Variants in KCNH8 observed in about 807,000 individuals in gnomAD.
KCNH8 encodes the protein potassium voltage-gated channel subfamily H member 8, also known as voltage-gated delayed rectifier potassium channel KCNH8.
KCNH8 carries 70 observed loss-of-function variants against 103.6 expected under a neutral mutation model. The observed-to-expected ratio is 0.68, with a 90% CI of 0.56 to 0.82. The LOEUF is 0.82. Among genes scored for constraint, KCNH8 ranks in the 40% least tolerant of loss-of-function variants. The pLI is 0.00. For missense variants in KCNH8, 1,217 were observed against 1,329.9 expected (o/e 0.92, Z 1.32); for synonymous variants, 498 against 489.4 (o/e 1.02, Z -0.23).
intron 6 of KCNH8, among the ~76,000 whole-genome samples, chr3:19,393,678 C>T (rs1011627571): frequency 2.0e-5 from 3 of 151,982 alleles, no homozygotes; most frequent in Non-Finnish European, 2.9e-5. Context: ...TAGCTAACCA[C>T]CAGCTTGAGA....
chr3:19,246,536 A>G (rs2064209309), intron 1 of KCNH8, among the ~76,000 whole-genome samples: 1 of 152,076 alleles, frequency 6.6e-6, no homozygotes, highest in Admixed American at 6.5e-5. Flanking sequence ...CGGCCTCCCA[A>G]AGTGCTGGGA....
chr3:19,213,225 A>G (rs949990072), intron 1 of KCNH8, among the ~76,000 whole-genome samples: 12 of 152,218 alleles, frequency 7.9e-5, no homozygotes, highest in African/African-American at 1.7e-4. Context: ...TATTTCCTCT[A>G]TGAAACCTAA....
rs1463693312 is a variant in KCNH8, at chr3:19,456,874, C to T, written c.1932C>T (p.Leu644=). The T allele has an allele frequency of 1.2e-6, 2 of 1,612,472 alleles. No individual in the cohort carries two copies. The highest frequency in any genetic ancestry group is 1.7e-6 in the Non-Finnish European group (2 of 1,178,862). Residue 644 remains leucine, a synonymous_variant, in exon 11 of 16, where the codon CTC becomes CTT. Transcript: ENST00000328405. ...LTYCDLQCII[L]KGLFEVLDLY... is the part of the protein sequence containing the mutation. ...ACTGTGATCTCCAGTGTATCATCCT[C>T]AAAGGACTCTTTGAAGTGCTAGACC...
rs370626544 is a variant in KCNH8 at position 19,533,552 on chromosome 3, C to T, written c.2777C>T (p.Thr926Met). Residue 926 changes from threonine to methionine, a missense_variant, in exon 16 of 16, where the codon ACG (threonine) becomes ATG (methionine). This residue lies in a region of KCNH8 where 558 missense variants were observed against 495.8 expected (regional missense o/e 1.13). Transcript: ENST00000328405. ...CPSRESLQTR[T>M]SWSAHQPCLH... ...TCCAGGGAGAGCTTACAGACCAGAACGAGCTGGAGTGCACACCAGCCTTGC... is the reference window on the plus strand; with the variant it reads ...TCCAGGGAGAGCTTACAGACCAGAATGAGCTGGAGTGCACACCAGCCTTGC... 1.1e-5 allele frequency: 17 copies of T among 1,614,064 alleles called. No individual in the cohort carries two copies. Among genetic ancestry groups the T allele is most frequent in the Admixed American group, 5.0e-5 (3 of 60,006 alleles).
chr3:19,460,909 T>G (rs1263564826), intron 11 of KCNH8, among the ~76,000 whole-genome samples: 2 of 152,266 alleles, frequency 1.3e-5, no homozygotes, highest in East Asian at 3.9e-4. Flanking sequence ...CCTGCTGCCA[T>G]GTAAAGAAGG....
chr3:19,360,700 A>G (rs576543100), intron 5 of KCNH8, among the ~76,000 whole-genome samples: 51 of 152,220 alleles, frequency 3.4e-4, no homozygotes, highest in Admixed American at 9.2e-4. Context: ...ACAATTTTAT[A>G]TATCTCTGAT....
intron 15 of KCNH8, among the ~76,000 whole-genome samples, chr3:19,528,476 T>C (rs2069104231): frequency 6.6e-6 from 1 of 152,046 alleles, no homozygotes; most frequent in Admixed American, 6.6e-5. Flanking sequence ...TTTCTACAAT[T>C]ATGAAGGAAA....
At chr3:19,183,023 TAGC>T (rs762034325) in intron 1 of KCNH8, among the ~76,000 whole-genome samples, 257 of 152,246 alleles carry the variant, frequency 1.7e-3, no homozygotes, top group Non-Finnish European at 2.4e-3. Context: ...CATAGCAAAA[TAGC>T]AGTACAAGTT....
intron 1 of KCNH8, among the ~76,000 whole-genome samples, chr3:19,249,730 A>C (rs915941161): frequency 6.6e-6 from 1 of 152,180 alleles, no homozygotes; most frequent in South Asian, 2.1e-4. Context: ...AATAGGCACT[A>C]TGTTGCTTGA....
chr3:19,226,895 A>C (rs1293299230), intron 1 of KCNH8, among the ~76,000 whole-genome samples: 1 of 152,156 alleles, frequency 6.6e-6, no homozygotes, highest in Non-Finnish European at 1.5e-5. Context: ...ATTTGTATAC[A>C]ATTCTGCAGA....
At chr3:19,169,836 A>G (rs2063323873) in intron 1 of KCNH8, among the ~76,000 whole-genome samples, 1 of 152,244 alleles carries the variant, frequency 6.6e-6, no homozygotes, top group Non-Finnish European at 1.5e-5. Flanking sequence ...AAGGATCCAT[A>G]CATATTCTTC....
chr3:19,364,351 C>T (rs755411162), intron 5 of KCNH8, among the ~76,000 whole-genome samples: 13 of 152,062 alleles, frequency 8.5e-5, no homozygotes, highest in Admixed American at 2.0e-4. Context: ...TGACTCAATA[C>T]GGCATTCATG....
intron 1 of KCNH8, among the ~76,000 whole-genome samples, chr3:19,185,562 C>T (rs2125205619): frequency 6.6e-6 from 1 of 151,970 alleles, no homozygotes; most frequent in East Asian, 1.9e-4. Flanking sequence ...TAAGAAATAA[C>T]ATAATTTTAA....
chr3:19,255,260 A>G (rs2064332149), intron 2 of KCNH8, among the ~76,000 whole-genome samples: 1 of 152,072 alleles, frequency 6.6e-6, no homozygotes. Flanking sequence ...GATAAAATAA[A>G]TTTCTATCGT....
intron 1 of KCNH8, among the ~76,000 whole-genome samples, chr3:19,236,465 A>C (rs909539200): frequency 6.6e-6 from 1 of 152,210 alleles, no homozygotes; most frequent in Non-Finnish European, 1.5e-5. Flanking sequence ...GGAGGGAAGT[A>C]AGAAGGAAAA....
intron 5 of KCNH8, among the ~76,000 whole-genome samples, chr3:19,383,486 C>G (rs1040812780): frequency 6.6e-6 from 1 of 152,074 alleles, no homozygotes; most frequent in Non-Finnish European, 1.5e-5. Flanking sequence ...ATTCTTCTGC[C>G]TCAGCCTCCC....
At chr3:19,245,034 G>A (rs1392431589) in intron 1 of KCNH8, among the ~76,000 whole-genome samples, 4 of 151,974 alleles carry the variant, frequency 2.6e-5, no homozygotes, top group Admixed American at 6.6e-5. Flanking sequence ...TCTTTGCCAA[G>A]GCCAATATTG....
In KCNH8 at chr3:19,522,376, GCTGA is replaced by G. The variant is rs2068987031; in HGVS notation, c.2619+4305_2619+4308del. On this transcript the variant is annotated intron_variant, in intron 15 of 15. Coordinates refer to ENST00000328405, the MANE Select transcript of KCNH8 (RefSeq NM_144633.3). ...CCAAAAGGCTTGGGACTCAAAAAGA[GCTGA>G]CTTTTTTTTTTTCAGTTCAAGTCCA... Among the ~76,000 whole-genome samples, 8 of 151,714 alleles carry G rather than the reference GCTGA, an allele frequency of 5.3e-5. No individual in the cohort carries two copies. The South Asian group carries it at 8.3e-4, about 16-fold the overall frequency.
Position 19,238,024 on chromosome 3 carries a change from G to C in KCNH8, c.77-15630G>C, listed in dbSNP as rs1006250856. Among the ~76,000 whole-genome samples, 8 of 152,260 alleles carry C rather than the reference G, an allele frequency of 5.3e-5. No individual in the cohort carries two copies. In the South Asian group the frequency reaches 6.2e-4, roughly 12 times the overall value. On this transcript the variant is annotated intron_variant, in intron 1 of 15. Coordinates refer to ENST00000328405, the MANE Select transcript of KCNH8 (RefSeq NM_144633.3). ...AAGATCTTCAGAATTCAGGGCTTGT[G>C]GGGGACACAATTCAAAAAGCATGGC...
Sources: gnomAD v4.1 joint callset for allele counts (sites outside exome capture counted in the v4.1 genomes callset) on GRCh38, gnomAD v4.1.1 for gene constraint, gnomAD v4.1.1 regional missense constraint, MANE v1.5 for transcripts, NCBI Gene and HGNC (gene_info 2026-07-23, HGNC 2026-07-21) for gene names.